LOXL2: variants seen among roughly 807,000 people sequenced by gnomAD.
LOXL2 encodes lysyl oxidase homolog 2.
LOXL2 carries 70 observed loss-of-function variants against 93.0 expected under a neutral mutation model. The ratio of observed to expected loss-of-function variants is 0.75; its 90% CI spans 0.62 to 0.92. The LOEUF (loss-of-function observed/expected upper bound fraction) is 0.92, where lower values mean the gene tolerates loss of function less well. Ranked by LOEUF, LOXL2 falls within the 40% of genes least tolerant of loss-of-function variation. The probability of loss-of-function intolerance (pLI) is 0.00; values close to 1 mark genes in which losing one functional copy is unlikely to be tolerated. For synonymous variants in LOXL2, 438 were observed against 413.2 expected, an observed-to-expected ratio of 1.06 and a Z score of -0.73; for missense variants, 973 against 1,054.9, an observed-to-expected ratio of 0.92 and a Z score of 1.08.
At chr8:23,378,511 C>G (rs1022683050) in intron 1 of LOXL2, among the ~76,000 whole-genome samples, 15 of 152,286 alleles carry the variant, frequency 9.8e-5, no homozygotes, top group Admixed American at 2.6e-4. Context: ...GGGAAGTTCT[C>G]CTGGATAATA....
At chr8:23,348,427 G>A (rs1585363350) in intron 3 of LOXL2, among the ~76,000 whole-genome samples, 1 of 141,138 alleles carries the variant, frequency 7.1e-6, no homozygotes, top group African/African-American at 3.0e-5. Context: ...AAATTAGCTG[G>A]GCACGGTGGC....
chr8:23,298,119 C>G lies in LOXL2; in HGVS notation c.2249G>C (p.Gly750Ala). 6.2e-7 allele frequency: 1 copy of G among 1,612,882 alleles called. No homozygotes were observed. The highest frequency in any genetic ancestry group is 8.5e-7 in the Non-Finnish European group (1 of 1,179,396). The change falls in exon 14 of 14, where the codon GGT becomes GCT. Residue 750 changes from glycine to alanine, a missense_variant. Gly to Ala is a moderately conservative substitution (Grantham distance 60). Coordinates refer to ENST00000389131, the MANE Select transcript of LOXL2 (RefSeq NM_002318.3). ...RIWMYNCHIG[G>A]SFSEETEKKF... ...TTTTTCCGTCTCTTCGCTGAAGGAA[C>G]CACCTGAAGAGCGAGAATCGGGTAG... is the stretch of plus-strand genomic sequence containing the variant.
At chr8:23,387,025 C>T (rs971683831) in intron 1 of LOXL2, among the ~76,000 whole-genome samples, 3 of 152,284 alleles carry the variant, frequency 2.0e-5, no homozygotes, top group Middle Eastern at 3.4e-3. Context: ...CTTAATTATT[C>T]ACACAGTTGA....
intron 3 of LOXL2, among the ~76,000 whole-genome samples, chr8:23,357,622 C>T (rs1247370474): frequency 1.3e-5 from 2 of 151,334 alleles, no homozygotes; most frequent in Non-Finnish European, 2.9e-5. Context: ...CAACACAAAG[C>T]TCACTGATGT....
intron 3 of LOXL2, among the ~76,000 whole-genome samples, chr8:23,359,830 C>T (rs1486843803): frequency 2.0e-5 from 3 of 152,234 alleles, no homozygotes; most frequent in Admixed American, 6.5e-5. Context: ...CCTGAGATCA[C>T]GCTCTGCTTA....
intron 1 of LOXL2, among the ~76,000 whole-genome samples, chr8:23,372,221 C>CTTT (rs71210611): frequency 1.4e-5 from 2 of 145,318 alleles, no homozygotes; most frequent in African/African-American, 2.5e-5. Context: ...ATTTCTTTTT[C>CTTT]TTTTTTTTTT....
intron 4 of LOXL2, among the ~76,000 whole-genome samples, chr8:23,340,654 T>C (rs774023389): frequency 2.6e-5 from 4 of 152,218 alleles, no homozygotes; most frequent in Non-Finnish European, 5.9e-5. Flanking sequence ...GCCTAGCTCG[T>C]GCAGTCCCTG....
intron 10 of LOXL2, among the ~76,000 whole-genome samples, chr8:23,307,953 GAAAAAA>G (rs1554475672): frequency 2.4e-5 from 2 of 83,522 alleles, no homozygotes; most frequent in Admixed American, 3.9e-4. Context: ...GCTGCGATAT[GAAAAAA>G]AAAAAAAAAA....
chr8:23,384,870 C>T (rs1408631890), intron 1 of LOXL2, among the ~76,000 whole-genome samples: 1 of 152,190 alleles, frequency 6.6e-6, no homozygotes, highest in Non-Finnish European at 1.5e-5. Context: ...GCCGAGATTA[C>T]ACCATTGTAT....
rs1803974683 is a variant in LOXL2 at position 23,346,146 on chromosome 8, T to TTAA, written c.532-4944_532-4943insTTA. Among the ~76,000 whole-genome samples, 62 of 78,060 alleles carry TTAA rather than the reference T, an allele frequency of 7.9e-4. 3 individuals are homozygous for TTAA. The highest frequency in any genetic ancestry group is 1.8e-3 in the African/African-American group (51 of 27,586). The allele number at this position is 78,060 out of a possible 152,430, so 51.2% of individuals were successfully genotyped here. A position where few individuals can be genotyped will look rare whatever the true frequency, so the allele number is the denominator to read the frequency against. ...ATAAAATAAAATAAAATAAAATAAA[T>TTAA]AAAATAAAATAAAAAATAAAATAAA... On this transcript the variant is annotated intron_variant, in intron 3 of 13. Transcript: ENST00000389131.
intron 6 of LOXL2, among the ~76,000 whole-genome samples, chr8:23,323,658 G>C (rs1197516281): frequency 2.1e-5 from 3 of 143,498 alleles, no homozygotes; most frequent in Non-Finnish European, 3.0e-5. Flanking sequence ...ATTTGTAAAA[G>C]GCCAATTAAT....
intron 1 of LOXL2, among the ~76,000 whole-genome samples, chr8:23,386,929 A>C (rs773826591): frequency 6.6e-6 from 1 of 152,208 alleles, no homozygotes; most frequent in Non-Finnish European, 1.5e-5. Context: ...GATTGCAGGC[A>C]TAAGTCAAGG....
Position 23,341,114 on chromosome 8 carries a change from C to T in LOXL2, c.621G>A (p.Glu207=), listed in dbSNP as rs1291158413. ...GCTTCCAGGTCTTGCCCTCCTTCAC[C>T]TCCACGTAGCCCTCCATCACTGGGG... ...KRTPVMEGYV[E]VKEGKTWKQI... The change falls in exon 4 of 14, where the codon GAG becomes GAA. Residue 207 remains glutamate (E), a synonymous_variant. Coordinates refer to ENST00000389131, the MANE Select transcript of LOXL2 (RefSeq NM_002318.3). 6.2e-7 allele frequency: 1 copy of T among 1,614,038 alleles called. No homozygotes were observed. Among genetic ancestry groups the T allele is most frequent in the Admixed American group, 1.7e-5 (1 of 60,030 alleles).
intron 13 of LOXL2, among the ~76,000 whole-genome samples, chr8:23,298,435 A>G (rs908518257): frequency 3.9e-5 from 6 of 152,256 alleles, no homozygotes; most frequent in Non-Finnish European, 8.8e-5. Context: ...TCATCCAAGG[A>G]AAAAAGTGTC....
chr8:23,307,475 G>A (rs1313163373), intron 10 of LOXL2, among the ~76,000 whole-genome samples: 1 of 152,098 alleles, frequency 6.6e-6, no homozygotes, highest in Non-Finnish European at 1.5e-5. Context: ...GGGGGTTGGG[G>A]AGCAGGCAGG....
chr8:23,338,590 G>A (rs1193054380), intron 4 of LOXL2, among the ~76,000 whole-genome samples: 1 of 152,226 alleles, frequency 6.6e-6, no homozygotes, highest in African/African-American at 2.4e-5. Flanking sequence ...TGGCGGGAGG[G>A]AAGGGGGTCC....
intron 1 of LOXL2, among the ~76,000 whole-genome samples, chr8:23,403,745 G>C (rs767072191): frequency 6.6e-6 from 1 of 152,084 alleles, no homozygotes. Flanking sequence ...CGGCCCGTAC[G>C]AGGTGGGGTT....
chr8:23,345,290 T>G (rs1215593257), intron 3 of LOXL2, among the ~76,000 whole-genome samples: 1 of 152,236 alleles, frequency 6.6e-6, no homozygotes, highest in African/African-American at 2.4e-5. Flanking sequence ...CTCATGCCTG[T>G]GTCCAATACA....
At chr8:23,356,751 CAG>C (rs746323104) in intron 3 of LOXL2, among the ~76,000 whole-genome samples, 2 of 152,212 alleles carry the variant, frequency 1.3e-5, no homozygotes, top group East Asian at 1.9e-4. Context: ...TAGGAAAATG[CAG>C]AGTGTGTAAG....
Sources: allele counts gnomAD v4.1 joint callset (sites outside exome capture counted in the v4.1 genomes callset), GRCh38; gene constraint gnomAD v4.1.1; transcripts MANE v1.5; gene names NCBI Gene and HGNC (gene_info 2026-07-23, HGNC 2026-07-21).